Variants in PFDN4 observed in about 807,000 individuals in gnomAD.
The protein encoded by PFDN4 is prefoldin subunit 4, also known as prefoldin 4.
A neutral mutation model predicts 17.6 loss-of-function variants in PFDN4; 6 were observed. The observed-to-expected ratio is 0.34, with a 90% CI of 0.19 to 0.67. PFDN4 has a LOEUF of 0.67. Ranked by LOEUF, PFDN4 falls within the 30% of genes least tolerant of loss-of-function variation. The probability of loss-of-function intolerance (pLI) is 0.68; values close to 1 mark genes in which losing one functional copy is unlikely to be tolerated. For synonymous variants in PFDN4, 48 were observed against 51.1 expected (o/e 0.94, Z 0.26); for missense variants, 119 against 158.4 (o/e 0.75, Z 1.33).
intron 3 of PFDN4, among the ~76,000 whole-genome samples, chr20:54,217,153 G>GCT (rs2092763654): frequency 1.3e-5 from 2 of 152,216 alleles, no homozygotes; most frequent in South Asian, 4.1e-4. Context: ...GTGATATGAG[G>GCT]ATAGAGGTGG....
chr20:54,210,023 A>T (rs773265174), intron 1 of PFDN4, among the ~76,000 whole-genome samples: 6 of 152,224 alleles, frequency 3.9e-5, no homozygotes, highest in African/African-American at 7.2e-5. Context: ...TTGAGATCAG[A>T]GAAGACTTTC....
chr20:54,216,789 T>C (rs1257831182), intron 3 of PFDN4, among the ~76,000 whole-genome samples: 2 of 152,154 alleles, frequency 1.3e-5, no homozygotes, highest in African/African-American at 4.8e-5. Flanking sequence ...CCCGAGTAGC[T>C]GGGATTACAG....
chr20:54,217,528 A>G (rs1025576730), intron 3 of PFDN4, among the ~76,000 whole-genome samples: 3 of 152,234 alleles, frequency 2.0e-5, no homozygotes, highest in Non-Finnish European at 4.4e-5. Context: ...TGGGCTGCAC[A>G]GCCTCTGCCA....
At chr20:54,215,898 A>G (rs1325832340) in intron 3 of PFDN4, among the ~76,000 whole-genome samples, 3 of 152,120 alleles carry the variant, frequency 2.0e-5, no homozygotes, top group Non-Finnish European at 2.9e-5. Flanking sequence ...CAGGAGGAGC[A>G]TTTTTGCTGG....
chr20:54,209,198 G>A (rs577316220), intron 1 of PFDN4, among the ~76,000 whole-genome samples: 182 of 152,298 alleles, frequency 1.2e-3, no homozygotes, highest in Middle Eastern at 3.4e-3. Flanking sequence ...AGGCGCGGAG[G>A]CAAAGCTAGC....
intron 1 of PFDN4, 78 bp downstream of exon 1, chr20:54,208,202 G>C (rs1375016384): frequency 5.3e-6 from 7 of 1,332,554 alleles, no homozygotes; most frequent in Non-Finnish European, 7.0e-6. Flanking sequence ...CGGGATGCTG[G>C]GGGTGCGCAG....
chr20:54,211,209 A>G (rs1001683464), intron 1 of PFDN4, among the ~76,000 whole-genome samples: 4 of 152,224 alleles, frequency 2.6e-5, no homozygotes, highest in Non-Finnish European at 5.9e-5. Context: ...ATTTATTTCT[A>G]GGGACCCAGC....
chr20:54,219,731 G>T lies in PFDN4; in HGVS notation c.*581G>T. 2.5e-6 allele frequency: 1 copy of T among 397,742 alleles called. No individual in the cohort carries two copies. Among genetic ancestry groups the T allele is most frequent in the Non-Finnish European group, 4.4e-6 (1 of 225,942 alleles). 24.6% of individuals were successfully genotyped at this position (397,742 alleles called of 1,614,324 possible). ...ATGGGTAATGTTTAAACATGTGGAG[G>T]CATGTGGAGCTTTATACAAACAGGG... On this transcript the variant is annotated 3_prime_UTR_variant, in exon 4 of 4. Transcript: ENST00000371419.
At chr20:54,212,009 A>G (rs917516484) in intron 1 of PFDN4, among the ~76,000 whole-genome samples, 3 of 152,134 alleles carry the variant, frequency 2.0e-5, no homozygotes, top group Non-Finnish European at 4.4e-5. Context: ...CCTGGCCAAC[A>G]TGGTGAAACC....
chr20:54,212,391 CCCAGTGGGAAAA>C (rs1449336713), intron 1 of PFDN4, among the ~76,000 whole-genome samples: 1 of 152,174 alleles, frequency 6.6e-6, no homozygotes, highest in Non-Finnish European at 1.5e-5. Context: ...AGCCCTTAAC[CCCAGTGGGAAAA>C]CCACTGTAAA....
At chr20:54,210,722 C>A (rs781469299) in intron 1 of PFDN4, among the ~76,000 whole-genome samples, 5 of 152,222 alleles carry the variant, frequency 3.3e-5, no homozygotes, top group Non-Finnish European at 7.3e-5. Flanking sequence ...CCAAAACTTT[C>A]TACTCCTAAG....
At chr20:54,211,811 C>T (rs2092756161) in intron 1 of PFDN4, among the ~76,000 whole-genome samples, 1 of 152,300 alleles carries the variant, frequency 6.6e-6, no homozygotes, top group South Asian at 2.1e-4. Context: ...CAGAAGGATG[C>T]ACATACTATA....
chr20:54,218,888 C>G (rs1160061041), intron 3 of PFDN4, 131 bp from the exon 4 acceptor site: 1 of 553,132 alleles, frequency 1.8e-6, no homozygotes, highest in Admixed American at 3.8e-5. Flanking sequence ...ATCTAATTAT[C>G]AGTGTTACTT....
chr20:54,217,687 A>C (rs1330413031), intron 3 of PFDN4, among the ~76,000 whole-genome samples: 7 of 152,274 alleles, frequency 4.6e-5, no homozygotes, highest in African/African-American at 4.8e-5. Context: ...AGATTTTTGG[A>C]AAAGAGAGAG....
At chr20:54,216,049 G>T (rs892798636) in intron 3 of PFDN4, among the ~76,000 whole-genome samples, 1 of 152,194 alleles carries the variant, frequency 6.6e-6, no homozygotes, top group Admixed American at 6.5e-5. Flanking sequence ...GGGTCTTATT[G>T]TTAGCATTAA....
In PFDN4 at chr20:54,214,367, A is replaced by T; in HGVS notation, c.41A>T (p.Asn14Ile). The T allele has an allele frequency of 6.3e-7, 1 of 1,586,106 alleles. No individual in the cohort carries two copies. Among genetic ancestry groups the T allele is most frequent in the Non-Finnish European group, 8.6e-7 (1 of 1,159,606 alleles). The change falls in exon 2 of 4, where the codon AAT (asparagine) becomes ATT (isoleucine). Residue 14 changes from asparagine (N) to isoleucine (I), a missense_variant. By Grantham distance (149) the Asn-to-Ile change is moderately radical (BLOSUM62 -3). Around this residue, in one of 3 missense-constraint regions of PFDN4, gnomAD observed 29 missense variants for 18.9 expected, o/e 1.54. Coordinates refer to ENST00000371419, the MANE Select transcript of PFDN4 (RefSeq NM_002623.4). ...TMKKAAAEDV[N>I]VTFEDQQKIN... The stretch of plus-strand genomic sequence containing the variant: ...TTCTTTCAGGCTGCAGAAGATGTCA[A>T]TGTTACTTTCGAAGATCAACAAAAG...
intron 1 of PFDN4, among the ~76,000 whole-genome samples, chr20:54,209,630 A>T (rs1023044017): frequency 1.3e-5 from 2 of 152,236 alleles, no homozygotes; most frequent in African/African-American, 2.4e-5. Context: ...TCCTTGGAAG[A>T]TACTAGTTGT....
chr20:54,218,192 T>TA (rs1176328189), intron 3 of PFDN4, among the ~76,000 whole-genome samples: 1 of 138,248 alleles, frequency 7.2e-6, no homozygotes, highest in African/African-American at 2.8e-5. Context: ...TTTTTTTTTT[T>TA]AAAACAAAGA....
intron 1 of PFDN4, among the ~76,000 whole-genome samples, chr20:54,211,489 G>T (rs2092755770): frequency 6.6e-6 from 1 of 152,154 alleles, no homozygotes; most frequent in Non-Finnish European, 1.5e-5. Flanking sequence ...CCATCATCAG[G>T]CTTTCTCCTA....
Sources: gnomAD v4.1 joint callset for allele counts (sites outside exome capture counted in the v4.1 genomes callset) on GRCh38, gnomAD v4.1.1 for gene constraint, gnomAD v4.1.1 regional missense constraint, MANE v1.5 for transcripts, NCBI Gene and HGNC (gene_info 2026-07-23, HGNC 2026-07-21) for gene names.